The following MACROD2 variants were observed in gnomAD, a reference collection of about 807,000 sequenced individuals.
MACROD2 encodes the protein mono-ADP ribosylhydrolase 2, also known as ADP-ribose glycohydrolase MACROD2.
Under a neutral mutation model 70.4 loss-of-function variants are expected in MACROD2, and 36 were observed. The observed-to-expected ratio is 0.51, with a 90% CI of 0.39 to 0.68. MACROD2 has a LOEUF of 0.68. Ranked by LOEUF, MACROD2 falls within the 30% of genes least tolerant of loss-of-function variation. The pLI, the probability that MACROD2 is intolerant of heterozygous loss-of-function variation, is 0.00. For missense variants in MACROD2, 496 were observed against 538.4 expected, an observed-to-expected ratio of 0.92 and a Z score of 0.78; for synonymous variants, 172 against 178.8, an observed-to-expected ratio of 0.96 and a Z score of 0.30.
At chr20:15,896,385 A>G (rs2064972893) in intron 10 of MACROD2, among the ~76,000 whole-genome samples, 1 of 152,178 alleles carries the variant, frequency 6.6e-6, no homozygotes, top group African/African-American at 2.4e-5. Flanking sequence ...ATTTTCCAGC[A>G]TATATAGTCA....
intron 5 of MACROD2, among the ~76,000 whole-genome samples, chr20:15,054,866 C>T (rs1281420234): frequency 6.6e-6 from 1 of 152,096 alleles, no homozygotes; most frequent in East Asian, 1.9e-4. Flanking sequence ...TCACTGCAAC[C>T]TCCGTCTCCA....
At chr20:15,611,860 C>T (rs539917865) in intron 8 of MACROD2, among the ~76,000 whole-genome samples, 9 of 145,516 alleles carry the variant, frequency 6.2e-5, no homozygotes, top group South Asian at 4.7e-4. Context: ...GAGCTGGGCA[C>T]GTAGTGGGGA....
chr20:15,635,357 C>G (rs1016910476), intron 8 of MACROD2, among the ~76,000 whole-genome samples: 8 of 152,124 alleles, frequency 5.3e-5, no homozygotes, highest in Non-Finnish European at 1.0e-4. Context: ...GTTTGCAAAG[C>G]TAGTACACAA....
At chr20:15,552,020 A>T (rs2048106234) in intron 8 of MACROD2, 1 of 152,176 alleles carries the variant, frequency 6.6e-6, no homozygotes, top group Non-Finnish European at 1.5e-5. Context: ...TCTTCAAGGA[A>T]ATCTATGATT....
At chr20:14,646,960 G>T (rs569194304) in intron 4 of MACROD2, among the ~76,000 whole-genome samples, 6 of 152,196 alleles carry the variant, frequency 3.9e-5, no homozygotes, top group African/African-American at 1.4e-4. Context: ...TAGCTGAGAG[G>T]TGGGAAGTGT....
chr20:14,654,036 T>C (rs1407405778), intron 4 of MACROD2, among the ~76,000 whole-genome samples: 1 of 152,136 alleles, frequency 6.6e-6, no homozygotes, highest in Non-Finnish European at 1.5e-5. Context: ...ACCCCAATTT[T>C]TGTCTCACAG....
intron 4 of MACROD2, among the ~76,000 whole-genome samples, chr20:14,538,775 C>T (rs933543246): frequency 6.6e-6 from 1 of 152,120 alleles, no homozygotes; most frequent in Non-Finnish European, 1.5e-5. Context: ...TTCTGCTGAC[C>T]GCCCCCCTCT....
At chr20:15,195,248 C>G (rs1055535817) in intron 5 of MACROD2, among the ~76,000 whole-genome samples, 2 of 152,104 alleles carry the variant, frequency 1.3e-5, no homozygotes, top group Non-Finnish European at 2.9e-5. Context: ...TCTAAGTAAA[C>G]TAAAGAGCTT....
chr20:15,217,837 T>C (rs542876936), intron 5 of MACROD2, among the ~76,000 whole-genome samples: 1 of 152,306 alleles, frequency 6.6e-6, no homozygotes, highest in East Asian at 1.9e-4. Context: ...TCTTGGCATC[T>C]GAATTACTGT....
intron 12 of MACROD2, among the ~76,000 whole-genome samples, chr20:15,958,854 A>G (rs539915675): frequency 6.6e-6 from 1 of 152,316 alleles, no homozygotes; most frequent in Non-Finnish European, 1.5e-5. Context: ...AAGGCTATGC[A>G]GGAACGTGAC....
chr20:14,218,720 G>A (rs913640778), intron 3 of MACROD2, among the ~76,000 whole-genome samples: 2 of 152,156 alleles, frequency 1.3e-5, no homozygotes, highest in Non-Finnish European at 2.9e-5. Context: ...TTCTTGTAGT[G>A]GTGGCTTGGT....
intron 8 of MACROD2, among the ~76,000 whole-genome samples, chr20:15,710,607 G>A (rs891690709): frequency 6.6e-6 from 1 of 152,132 alleles, no homozygotes; most frequent in South Asian, 2.1e-4. Flanking sequence ...GTTTATGGGC[G>A]TGAAAAAGGC....
At chr20:15,923,432 C>G (rs1350199720) in intron 10 of MACROD2, among the ~76,000 whole-genome samples, 1 of 152,172 alleles carries the variant, frequency 6.6e-6, no homozygotes, top group Non-Finnish European at 1.5e-5. Context: ...CCCTGGGTCC[C>G]TCCCACAACA....
intron 4 of MACROD2, among the ~76,000 whole-genome samples, chr20:14,531,520 G>A (rs2085303573): frequency 6.6e-6 from 1 of 152,152 alleles, no homozygotes; most frequent in South Asian, 2.1e-4. Context: ...ATTGATTTTG[G>A]ACCTCTGGCC....
intron 3 of MACROD2, among the ~76,000 whole-genome samples, chr20:14,096,524 A>C (rs2054229278): frequency 6.6e-6 from 1 of 151,822 alleles, no homozygotes; most frequent in African/African-American, 2.4e-5. Context: ...GCAGCACCAC[A>C]CCTGGCTAAC....
At chr20:14,138,943 T>TA (rs1288614372) in intron 3 of MACROD2, among the ~76,000 whole-genome samples, 3 of 152,170 alleles carry the variant, frequency 2.0e-5, no homozygotes, top group Non-Finnish European at 2.9e-5. Context: ...AATAAAGCTA[T>TA]AAAAACTTTT....
intron 6 of MACROD2, among the ~76,000 whole-genome samples, chr20:15,247,844 A>G (rs2146020363): frequency 6.6e-6 from 1 of 152,000 alleles, no homozygotes; most frequent in South Asian, 2.1e-4. Flanking sequence ...ATTACAGACA[A>G]GCACCAGTAG....
chr20:15,842,348 TAC>T (rs2064180252), intron 8 of MACROD2, among the ~76,000 whole-genome samples: 1 of 151,972 alleles, frequency 6.6e-6, no homozygotes, highest in Non-Finnish European at 1.5e-5. Flanking sequence ...AACTTCATAT[TAC>T]GCCCATTTAT....
chr20:15,988,075 T>C (rs2066510969), intron 15 of MACROD2, among the ~76,000 whole-genome samples: 1 of 152,144 alleles, frequency 6.6e-6, no homozygotes, highest in Admixed American at 6.5e-5. Context: ...AATTATGAAC[T>C]CTTCTTGGCA....
Sources: allele counts gnomAD v4.1 joint callset (sites outside exome capture counted in the v4.1 genomes callset), GRCh38; gene constraint gnomAD v4.1.1; transcripts MANE v1.5; gene names NCBI Gene and HGNC (gene_info 2026-07-23, HGNC 2026-07-21).